KCND3: variants seen among roughly 807,000 people sequenced by gnomAD.
KCND3 encodes the protein potassium voltage-gated channel subfamily D member 3, also known as A-type voltage-gated potassium channel KCND3.
In KCND3, 9 loss-of-function variants were observed where a neutral mutation model predicts 51.1. That is an observed-to-expected ratio of 0.18 (90% CI 0.11 to 0.31). KCND3 has a LOEUF of 0.31. KCND3 is among the 10% of genes least tolerant of loss of function. The pLI, the probability that KCND3 is intolerant of heterozygous loss-of-function variation, is 1.00. For synonymous variants in KCND3, 349 were observed against 368.0 expected, an observed-to-expected ratio of 0.95 and a Z score of 0.59; for missense variants, 526 against 903.8, an observed-to-expected ratio of 0.58 and a Z score of 5.36.
chr1:111,820,094 G>A (rs1265371171), intron 2 of KCND3, among the ~76,000 whole-genome samples: 3 of 152,174 alleles, frequency 2.0e-5, no homozygotes, highest in African/African-American at 7.2e-5. Flanking sequence ...CTCATGCTCT[G>A]TGGTCCAAAT....
intron 2 of KCND3, among the ~76,000 whole-genome samples, chr1:111,812,267 G>A (rs1235425704): frequency 6.6e-6 from 1 of 152,204 alleles, no homozygotes; most frequent in Non-Finnish European, 1.5e-5. Context: ...CACCCTCAGG[G>A]CCAGCTGCCC....
intron 2 of KCND3, among the ~76,000 whole-genome samples, chr1:111,895,019 GA>G (rs1300768520): frequency 6.7e-6 from 1 of 149,862 alleles, no homozygotes; most frequent in Non-Finnish European, 1.5e-5. Context: ...AGGGGAGGAG[GA>G]AATGAGGGAT....
In KCND3 at chr1:111,982,569, G is replaced by C. The variant is rs1241663515; in HGVS notation, c.158C>G (p.Thr53Ser). 6.2e-7 allele frequency: 1 copy of C among 1,612,152 alleles called. No individual in the cohort carries two copies. Among genetic ancestry groups the C allele is most frequent in the Admixed American group, 1.7e-5 (1 of 59,948 alleles). ...VLNVSGRRFQ[T>S]WRTTLERYPD... ...GTAGCGCTCCAGCGTGGTCCTCCAG[G>C]TCTGGAACCTCCGCCCACTCACGTT... The change falls in exon 2 of 8, where the codon ACC becomes AGC. Residue 53 changes from threonine (T) to serine (S), a missense_variant. Around this residue, in one of 5 missense-constraint regions of KCND3, gnomAD observed 159 missense variants for 262.8 expected, o/e 0.61. Coordinates refer to ENST00000302127, the MANE Select transcript of KCND3 (RefSeq NM_001378969.1). This position sits in a 1 kb window ranked among gnomAD's most constrained non-coding sequence, Gnocchi z 8.5.
At position 111,780,867 on chromosome 1, in the gene KCND3, G is replaced by A; in HGVS notation, c.1270-76C>T. The A allele has an allele frequency of 7.8e-7, 1 of 1,281,910 alleles. No homozygotes were observed. The highest frequency in any genetic ancestry group is 1.1e-6 in the Non-Finnish European group (1 of 903,468). The allele number at this position is 1,281,910 out of a possible 1,614,324, so 79.4% of individuals were successfully genotyped here. ...GACAGCAAGGCTGGTGAAGCTGTGA[G>A]GCTGGCTTCCCAGGTGACACCTGAT... On this transcript the variant is annotated intron_variant, in intron 3 of 7. Transcript: ENST00000302127. The surrounding 1 kb of genome is among the most constrained non-coding windows in gnomAD (Gnocchi z 4.2).
At chr1:111,934,638 G>A (rs1161848884) in intron 2 of KCND3, among the ~76,000 whole-genome samples, 1 of 152,236 alleles carries the variant, frequency 6.6e-6, no homozygotes, top group Non-Finnish European at 1.5e-5. Flanking sequence ...ATGTGAGTGT[G>A]TGCATGCATG....
intron 2 of KCND3, among the ~76,000 whole-genome samples, chr1:111,961,256 C>T (rs1446547157): frequency 6.6e-6 from 1 of 152,222 alleles, no homozygotes; most frequent in Non-Finnish European, 1.5e-5. Context: ...CCAGCGAGGC[C>T]ATTGTGCTCT....
rs886560367 is a variant in KCND3, at chr1:111,772,547, T to A, written c.*3530A>T. ...GGGTGTGGTAGAAAATGCATTAGAC[T>A]AATAGCCAAAAGACTCGTGTTCTGG... On this transcript the variant is annotated 3_prime_UTR_variant, in exon 8 of 8. Transcript: ENST00000302127. 6.6e-6 allele frequency: 1 copy of A among 152,240 alleles called. No individual in the cohort carries two copies. Among genetic ancestry groups the A allele is most frequent in the Non-Finnish European group, 1.5e-5 (1 of 68,030 alleles). The allele number at this position is 152,240 out of a possible 1,614,324, so 9.4% of individuals were successfully genotyped here.
chr1:111,812,272 C>G (rs1373671618), intron 2 of KCND3, among the ~76,000 whole-genome samples: 1 of 152,222 alleles, frequency 6.6e-6, no homozygotes, highest in Non-Finnish European at 1.5e-5. Flanking sequence ...TCAGGGCCAG[C>G]TGCCCAGCTG....
At chr1:111,880,095 C>G (rs1449484184) in intron 2 of KCND3, among the ~76,000 whole-genome samples, 1 of 152,164 alleles carries the variant, frequency 6.6e-6, no homozygotes, top group African/African-American at 2.4e-5. Flanking sequence ...ACACTTTAGC[C>G]ATTAGCAGAT....
chr1:111,872,715 G>T (rs760849519), intron 2 of KCND3, among the ~76,000 whole-genome samples: 4 of 152,188 alleles, frequency 2.6e-5, no homozygotes, highest in Non-Finnish European at 5.9e-5. Context: ...ATTTATAGAG[G>T]TTGGAGCCGG....
intron 2 of KCND3, among the ~76,000 whole-genome samples, chr1:111,943,010 A>T (rs1199551580): frequency 6.6e-6 from 1 of 152,150 alleles, no homozygotes; most frequent in Non-Finnish European, 1.5e-5. Flanking sequence ...TGCGGAGAAG[A>T]CAGGAGGAGG....
At chr1:111,874,832 C>A (rs1190393619) in intron 2 of KCND3, among the ~76,000 whole-genome samples, 1 of 152,200 alleles carries the variant, frequency 6.6e-6, no homozygotes, top group Non-Finnish European at 1.5e-5. Context: ...TCTCACTAGA[C>A]CCCAGGGCCT....
At chr1:111,861,694 G>A (rs763616981) in intron 2 of KCND3, among the ~76,000 whole-genome samples, 7 of 152,206 alleles carry the variant, frequency 4.6e-5, no homozygotes, top group Non-Finnish European at 8.8e-5. Flanking sequence ...AGCAGGGGTG[G>A]AGGTGCAGGG....
At chr1:111,890,660 T>G in intron 2 of KCND3, among the ~76,000 whole-genome samples, 2 of 150,108 alleles carry the variant, frequency 1.3e-5, no homozygotes, top group African/African-American at 2.5e-5. Flanking sequence ...AGGGAGTGAG[T>G]GTAAATGGAG....
chr1:111,981,356 A>G lies in KCND3; in HGVS notation c.1106+265T>C, dbSNP rs552860391. On this transcript the variant is annotated intron_variant, in intron 2 of 7. Coordinates refer to ENST00000302127, the MANE Select transcript of KCND3 (RefSeq NM_001378969.1). The surrounding 1 kb of genome is among the most constrained non-coding windows in gnomAD (Gnocchi z 6.2). ...TTCACACGCACACAAGGCATGGCTG[A>G]AAAAAGAATTGGTGACTTAATTTTC... Among the ~76,000 whole-genome samples the G allele has an allele frequency of 2.0e-5, 3 of 152,202 alleles. No homozygotes were observed. Among genetic ancestry groups the G allele is most frequent in the African/African-American group, 7.2e-5 (3 of 41,520 alleles).
intron 2 of KCND3, among the ~76,000 whole-genome samples, chr1:111,850,164 TG>T (rs1172849042): frequency 6.6e-6 from 1 of 152,198 alleles, no homozygotes; most frequent in Non-Finnish European, 1.5e-5. Context: ...AACCAATCCC[TG>T]CCCAAAAATG....
intron 2 of KCND3, among the ~76,000 whole-genome samples, chr1:111,906,377 C>T (rs1056080903): frequency 6.6e-6 from 1 of 152,188 alleles, no homozygotes; most frequent in Non-Finnish European, 1.5e-5. Flanking sequence ...TGTAAGGACC[C>T]ACTGTCCATG....
At chr1:111,949,427 AGAG>A (rs1182769013) in intron 2 of KCND3, among the ~76,000 whole-genome samples, 1 of 152,180 alleles carries the variant, frequency 6.6e-6, no homozygotes, top group African/African-American at 2.4e-5. Flanking sequence ...AGACAGCCAG[AGAG>A]AACAGGAGAG....
intron 2 of KCND3, among the ~76,000 whole-genome samples, chr1:111,927,501 C>T (rs1420884825): frequency 6.6e-6 from 1 of 152,266 alleles, no homozygotes; most frequent in Non-Finnish European, 1.5e-5. Context: ...GTGTAGCTGA[C>T]TGCATTACAG....
Sources: allele counts gnomAD v4.1 joint callset (sites outside exome capture counted in the v4.1 genomes callset), GRCh38; gene constraint gnomAD v4.1.1; regional missense constraint gnomAD v4.1.1; non-coding constraint Gnocchi (gnomAD v3.1); transcripts MANE v1.5; gene names NCBI Gene and HGNC (gene_info 2026-07-23, HGNC 2026-07-21).